CYP17A1: variants seen among roughly 807,000 people sequenced by gnomAD.
CYP17A1 encodes steroid 17-alpha-hydroxylase/17,20 lyase.
Under a neutral mutation model 38.5 loss-of-function variants are expected in CYP17A1, and 27 were observed. The observed-to-expected ratio is 0.70, with a 90% CI of 0.52 to 0.97. CYP17A1 has a LOEUF of 0.97. CYP17A1 is among the 50% of genes least tolerant of loss of function. CYP17A1 has a pLI of 0.00. For missense variants in CYP17A1, 549 were observed against 645.9 expected (o/e 0.85, Z 1.63); for synonymous variants, 263 against 253.3 (o/e 1.04, Z -0.36).
At chr10:102,831,297 G>A (rs1212889516) in intron 7 of CYP17A1, among the ~76,000 whole-genome samples, 1 of 152,214 alleles carries the variant, frequency 6.6e-6, no homozygotes, top group Admixed American at 6.5e-5. Context: ...CTTGGAGGGT[G>A]AATTTGCAGT....
chr10:102,833,337 G>A (rs895963188), intron 4 of CYP17A1, 129 bp from the exon 5 acceptor site: 1 of 1,556,042 alleles, frequency 6.4e-7, no homozygotes, highest in Non-Finnish European at 8.7e-7. Flanking sequence ...GTCTGGGCAG[G>A]ACCTACGAAC....
chr10:102,832,621 A>G lies in CYP17A1; in HGVS notation c.1029T>C (p.Thr343=), dbSNP rs768280044. 1.2e-6 allele frequency: 2 copies of G among 1,604,592 alleles called. No individual in the cohort carries two copies. The highest frequency in any genetic ancestry group is 1.7e-6 in the Non-Finnish European group (2 of 1,171,256). Residue 343 remains threonine (T), a synonymous_variant, in exon 6 of 8, where the codon ACT becomes ACC. Transcript: ENST00000369887. ...DQNVGFSRTP[T]ISDRNRLLLL... is the part of the protein sequence containing the mutation. The stretch of plus-strand genomic sequence containing the variant: ...GGAGGAGACGGTTACGGTCACTGAT[A>G]GTTGGTGTGCGGCTGAAACCCACAT...
intron 2 of CYP17A1, 102 bp from the exon 3 acceptor site, chr10:102,835,116 G>A: frequency 1.9e-6 from 2 of 1,073,366 alleles, no homozygotes; most frequent in Non-Finnish European, 2.8e-6. Flanking sequence ...ATAGCAGATG[G>A]CCACTAGATG....
At chr10:102,832,394 G>C in intron 6 of CYP17A1, 117 bp downstream of exon 6, 1 of 765,898 alleles carries the variant, frequency 1.3e-6, no homozygotes, top group Non-Finnish European at 2.4e-6. Flanking sequence ...TTTAGTAGTT[G>C]ATGGTTGACT....
chr10:102,833,150 A>G lies in CYP17A1; in HGVS notation c.812T>C (p.Met271Thr), dbSNP rs1844114504. Reference sequence around the variant, plus strand: ...GCCAGCATTGCCATTATCTGAGTTCATCTTGGCTTGCATCAGTGTGTCCAG... The same window carrying G: ...GCCAGCATTGCCATTATCTGAGTTCGTCTTGGCTTGCATCAGTGTGTCCAG... ...NMLDTLMQAKMNSDNGNAGPD... is the reference protein window; with the variant it reads ...NMLDTLMQAKTNSDNGNAGPD... The change falls in exon 5 of 8, where the codon ATG becomes ACG. Residue 271 changes from methionine (M) to threonine (T), a missense_variant. Coordinates refer to ENST00000369887, the MANE Select transcript of CYP17A1 (RefSeq NM_000102.4). 6.2e-7 allele frequency: 1 copy of G among 1,614,012 alleles called. No homozygotes were observed.
At chr10:102,836,252 A>T (rs1844160007) in intron 1 of CYP17A1, among the ~76,000 whole-genome samples, 2 of 151,888 alleles carry the variant, frequency 1.3e-5, no homozygotes, top group South Asian at 2.1e-4. Flanking sequence ...AGGTCAGGAG[A>T]TCGAGACCAT....
rs1486746955 is a variant in CYP17A1, at chr10:102,830,971, G to A, written c.1258C>T (p.Pro420Ser). The A allele has an allele frequency of 1.3e-6, 2 of 1,575,990 alleles. No homozygotes were observed. Among genetic ancestry groups the A allele is most frequent in the Non-Finnish European group, 1.7e-6 (2 of 1,158,506 alleles). Residue 420 changes from proline (P) to serine (S), a missense_variant, in exon 8 of 8, where the codon CCA becomes TCA. By Grantham distance (74) the Pro-to-Ser change is moderately conservative (BLOSUM62 -1). Around this residue, in one of 3 missense-constraint regions of CYP17A1, gnomAD observed 257 missense variants for 307.9 expected, o/e 0.83. Transcript: ENST00000369887. This position sits in a 1 kb window ranked among gnomAD's most constrained non-coding sequence, Gnocchi z 4.1. ...DQFMPERFLN[P>S]AGTQLISPSV... is the part of the protein sequence containing the mutation. ...GGTGAGATGAGCTGGGTCCCCGCTG[G>A]ATTCAAGAAACGCTCTGCAGGCAAG...
chr10:102,832,469 A>G, intron 6 of CYP17A1, 42 bp downstream of exon 6: 1 of 1,356,788 alleles, frequency 7.4e-7, no homozygotes, highest in East Asian at 2.3e-5. Context: ...AGCAGTGTTG[A>G]ATGCATCATG....
At chr10:102,835,831 C>A (rs1418554575) in intron 1 of CYP17A1, among the ~76,000 whole-genome samples, 1 of 152,154 alleles carries the variant, frequency 6.6e-6, no homozygotes, top group East Asian at 1.9e-4. Context: ...TCCCTGAGCC[C>A]TTAGCTGAGC....
chr10:102,833,259 G>T, intron 4 of CYP17A1, 51 bp from the exon 5 acceptor site: 1 of 1,612,638 alleles, frequency 6.2e-7, no homozygotes, highest in Middle Eastern at 1.7e-4. Flanking sequence ...CCCCATCTGT[G>T]ACACTCCTGC....
At chr10:102,836,239 A>G (rs907833403) in intron 1 of CYP17A1, among the ~76,000 whole-genome samples, 1 of 152,038 alleles carries the variant, frequency 6.6e-6, no homozygotes, top group Non-Finnish European at 1.5e-5. Context: ...TGGGAGGATC[A>G]CGAGGTCAGG....
chr10:102,834,371 G>A (rs1470244500), intron 3 of CYP17A1: 7 of 565,906 alleles, frequency 1.2e-5, no homozygotes, highest in East Asian at 6.3e-5. Context: ...AACATCAAGC[G>A]CTGACTCTGC....
rs770764743 is a variant in CYP17A1, at chr10:102,832,993, C to T, written c.969G>A (p.Gln323=). 4 of 1,614,096 alleles carry T rather than the reference C, an allele frequency of 2.5e-6. No homozygotes were observed. In the South Asian group the frequency reaches 3.3e-5, roughly 13 times the overall value. ...WTLAFLLHNP[Q]VKKKLYEEID... ...TAGGATCAATGAGGGGGAAGCACAC[C>T]TGAGGATTGTGCAGCAGGAAGGCCA... The change falls in exon 5 of 8, where the codon CAG becomes CAA. Residue 323 remains glutamine (Q), a splice_region_variant and synonymous_variant. Transcript: ENST00000369887.
Position 102,832,964 on chromosome 10 carries a change from G to T in CYP17A1, c.969+29C>A, listed in dbSNP as rs369724144. 25 of 1,612,224 alleles carry T rather than the reference G, an allele frequency of 1.6e-5. No individual in the cohort carries two copies. In the African/African-American group the frequency reaches 2.3e-4, roughly 15 times the overall value. ...GGAGCCCAGAGATTGGGCTGGCTGG[G>T]GTCTAGGATCAATGAGGGGGAAGCA... On this transcript the variant is annotated intron_variant, in intron 5 of 7. Coordinates refer to ENST00000369887, the MANE Select transcript of CYP17A1 (RefSeq NM_000102.4).
rs45528237 is a variant in CYP17A1 at position 102,831,166 on chromosome 10, C to G, written c.1244-181G>C. ...AGCCCTGCTTTCAGGTAGCCCTTAA[C>G]GACACAGAGGAAATGAAATATTCAG... is the stretch of plus-strand genomic sequence containing the variant. On this transcript the variant is annotated intron_variant, in intron 7 of 7. Coordinates refer to ENST00000369887, the MANE Select transcript of CYP17A1 (RefSeq NM_000102.4). Among the ~76,000 whole-genome samples, 15 of 148,956 alleles carry G rather than the reference C, an allele frequency of 1.0e-4. No homozygotes were observed. The East Asian group carries it at 2.5e-3, about 25-fold the overall frequency.
intron 7 of CYP17A1, 54 bp from the exon 8 acceptor site, chr10:102,831,039 A>G (rs1844080828): frequency 1.1e-5 from 14 of 1,229,360 alleles, no homozygotes; most frequent in Non-Finnish European, 1.6e-5. Context: ...GAGGAGAGGC[A>G]TGGTTCTGCC....
intron 2 of CYP17A1, 113 bp from the exon 3 acceptor site, chr10:102,835,127 G>T: frequency 1.8e-6 from 2 of 1,082,530 alleles, no homozygotes; most frequent in Non-Finnish European, 2.8e-6. Flanking sequence ...CCACTAGATG[G>T]CAGCAGTAGC....
chr10:102,830,851 G>A lies in CYP17A1; in HGVS notation c.1378C>T (p.Leu460=), dbSNP rs556451450. ...QELFLIMAWL[L]QRFDLEVPDD... Reference sequence around the variant, plus strand: ...GGCACCTCCAGGTCGAACCTCTGCAGCAGCCAGGCCATGATGAGGAAGAGC... The same window carrying A: ...GGCACCTCCAGGTCGAACCTCTGCAACAGCCAGGCCATGATGAGGAAGAGC... Residue 460 remains leucine (L), a synonymous_variant, in exon 8 of 8, where the codon CTG becomes TTG. Transcript: ENST00000369887. The surrounding 1 kb of genome is among the most constrained non-coding windows in gnomAD (Gnocchi z 4.1). 22 of 1,595,720 alleles carry A rather than the reference G, an allele frequency of 1.4e-5. No homozygotes were observed. The Middle Eastern group carries it at 1.2e-3, about 84-fold the overall frequency.
At chr10:102,836,909 G>T (rs912720705) in intron 1 of CYP17A1, 156 bp downstream of exon 1, 28 of 701,716 alleles carry the variant, frequency 4.0e-5, no homozygotes, top group Non-Finnish European at 7.3e-5. Flanking sequence ...CTGGGTGGGG[G>T]TCTGAAGGTT....
Sources: allele counts gnomAD v4.1 joint callset (sites outside exome capture counted in the v4.1 genomes callset), GRCh38; gene constraint gnomAD v4.1.1; regional missense constraint gnomAD v4.1.1; non-coding constraint Gnocchi (gnomAD v3.1); transcripts MANE v1.5; gene names NCBI Gene and HGNC (gene_info 2026-07-23, HGNC 2026-07-21).